RAB10: variants seen among roughly 807,000 people sequenced by gnomAD.
RAB10 encodes the protein ras-related protein Rab-10.
RAB10 carries 5 observed loss-of-function variants against 25.7 expected under a neutral mutation model. The observed-to-expected ratio is 0.19, with a 90% CI of 0.10 to 0.41. RAB10 has a LOEUF of 0.41. RAB10 is among the 10% of genes least tolerant of loss of function. RAB10 has a pLI of 1.00. For missense variants in RAB10, 103 were observed against 245.8 expected (o/e 0.42, Z 3.89); for synonymous variants, 89 against 86.4 (o/e 1.03, Z -0.16).
chr2:26,068,157 CA>C (rs1437553269), intron 1 of RAB10, among the ~76,000 whole-genome samples: 7 of 152,094 alleles, frequency 4.6e-5, no homozygotes, highest in Admixed American at 1.3e-4. Flanking sequence ...TCATTCCAGG[CA>C]GAGGAAGTGG....
chr2:26,085,402 A>G (rs1048070999), intron 1 of RAB10, among the ~76,000 whole-genome samples: 3 of 151,074 alleles, frequency 2.0e-5, no homozygotes. Flanking sequence ...AGGCAGGAGA[A>G]TCGCTTGATC....
intron 3 of RAB10, among the ~76,000 whole-genome samples, chr2:26,120,171 T>C (rs1667771549): frequency 6.6e-6 from 1 of 152,202 alleles, no homozygotes; most frequent in South Asian, 2.1e-4. Context: ...TTATCTTCTC[T>C]TTGAGTGGAG....
Position 26,034,529 on chromosome 2 carries a change from C to T in RAB10, c.-80C>T, listed in dbSNP as rs1665720155. The T allele has an allele frequency of 6.3e-7, 1 of 1,581,620 alleles. No individual in the cohort carries two copies. Among genetic ancestry groups the T allele is most frequent in the Non-Finnish European group, 8.6e-7 (1 of 1,161,400 alleles). On this transcript the variant is annotated 5_prime_UTR_variant, in exon 1 of 6. Coordinates refer to ENST00000264710, the MANE Select transcript of RAB10 (RefSeq NM_016131.5). The stretch of plus-strand genomic sequence containing the variant: ...TCCCCGGTCCTCCGGCCTGAGAACG[C>T]CCGAGTGAGGAGTTGGCCGTAGTGA...
chr2:26,097,033 G>A (rs556811151), intron 1 of RAB10, among the ~76,000 whole-genome samples: 6 of 152,160 alleles, frequency 3.9e-5, no homozygotes, highest in East Asian at 1.9e-4. Context: ...CCTGGGCAAC[G>A]TGGCAAGACC....
intron 1 of RAB10, among the ~76,000 whole-genome samples, chr2:26,038,827 CA>C (rs1027663741): frequency 4.0e-5 from 6 of 149,196 alleles, no homozygotes; most frequent in African/African-American, 1.5e-4. Context: ...GAGGCTGAGG[CA>C]GGGGAATGGC....
At chr2:26,049,439 GC>G (rs1666085364) in intron 1 of RAB10, among the ~76,000 whole-genome samples, 1 of 148,352 alleles carries the variant, frequency 6.7e-6, no homozygotes, top group Admixed American at 6.8e-5. Context: ...ATGGAGTTTA[GC>G]TCTTGTTGCC....
At chr2:26,053,496 G>A (rs541773425) in intron 1 of RAB10, among the ~76,000 whole-genome samples, 27 of 152,202 alleles carry the variant, frequency 1.8e-4, no homozygotes, top group Admixed American at 7.9e-4. Flanking sequence ...AAGTGATTCG[G>A]CAAATTCATA....
At chr2:26,111,619 A>G (rs1227920149) in intron 3 of RAB10, among the ~76,000 whole-genome samples, 1 of 152,140 alleles carries the variant, frequency 6.6e-6, no homozygotes, top group African/African-American at 2.4e-5. Flanking sequence ...AAAAAAAAAA[A>G]AATACAAATC....
rs79525271 is a variant in RAB10, at chr2:26,045,648, C to G, written c.127+10913C>G. On this transcript the variant is annotated intron_variant, in intron 1 of 5. Transcript: ENST00000264710. ...ACAAGTAAGAGACCATTATTTAGCA[C>G]AAAATATAAATTGTATGATTAGCTG... Among the ~76,000 whole-genome samples the G allele has an allele frequency of 4.0e-3, 604 of 152,262 alleles. 12 individuals are homozygous for G. The East Asian group carries it at 0.049, about 12-fold the overall frequency.
intron 3 of RAB10, among the ~76,000 whole-genome samples, chr2:26,118,006 C>G (rs1667728019): frequency 6.6e-6 from 1 of 152,112 alleles, no homozygotes; most frequent in Admixed American, 6.6e-5. Flanking sequence ...GAGTCTTGCT[C>G]TGTTGCCCAG....
chr2:26,128,139 C>T (rs781402392), intron 5 of RAB10, among the ~76,000 whole-genome samples, 188 bp downstream of exon 5: 1 of 152,160 alleles, frequency 6.6e-6, no homozygotes, highest in East Asian at 1.9e-4. Context: ...ATGGACCGTA[C>T]TGGGGGGTAG....
At chr2:26,037,678 T>G (rs925900048) in intron 1 of RAB10, among the ~76,000 whole-genome samples, 1 of 151,084 alleles carries the variant, frequency 6.6e-6, no homozygotes, top group Non-Finnish European at 1.5e-5. Context: ...ATCTACCACA[T>G]AGGGTAGTTG....
At chr2:26,084,293 G>A (rs1666932480) in intron 1 of RAB10, among the ~76,000 whole-genome samples, 2 of 152,232 alleles carry the variant, frequency 1.3e-5, no homozygotes, top group South Asian at 4.1e-4. Context: ...AAATTGGGGG[G>A]AATGGGTAAT....
chr2:26,124,684 C>T (rs1286446485), intron 3 of RAB10, among the ~76,000 whole-genome samples: 1 of 152,016 alleles, frequency 6.6e-6, no homozygotes, highest in Non-Finnish European at 1.5e-5. Flanking sequence ...TACTGTTGTG[C>T]AACCGTCACC....
intron 5 of RAB10, among the ~76,000 whole-genome samples, chr2:26,133,560 A>C (rs1668048695): frequency 6.6e-6 from 1 of 152,382 alleles, no homozygotes; most frequent in South Asian, 2.1e-4. Flanking sequence ...TCAGGCTTAC[A>C]CTTAAGCTTT....
intron 2 of RAB10, among the ~76,000 whole-genome samples, chr2:26,108,552 A>G (rs946703527): frequency 6.6e-6 from 1 of 152,214 alleles, no homozygotes; most frequent in Non-Finnish European, 1.5e-5. Context: ...GTAGTTACAC[A>G]AATCTGTACA....
intron 1 of RAB10, among the ~76,000 whole-genome samples, chr2:26,053,859 A>G (rs1666188988): frequency 6.6e-6 from 1 of 151,732 alleles, no homozygotes. Flanking sequence ...AGCTGGGATT[A>G]CAGGCGTGTG....
At chr2:26,074,916 C>T (rs576930874) in intron 1 of RAB10, among the ~76,000 whole-genome samples, 2 of 152,238 alleles carry the variant, frequency 1.3e-5, no homozygotes, top group East Asian at 1.9e-4. Context: ...ATGCTTGGAA[C>T]GGGTCTGGCA....
intron 1 of RAB10, among the ~76,000 whole-genome samples, chr2:26,048,379 TATC>T (rs982761097): frequency 1.3e-5 from 2 of 152,218 alleles, no homozygotes; most frequent in African/African-American, 4.8e-5. Flanking sequence ...TTGATAATGT[TATC>T]ATACTATTTT....
Sources: gnomAD v4.1 joint callset for allele counts (sites outside exome capture counted in the v4.1 genomes callset) on GRCh38, gnomAD v4.1.1 for gene constraint, MANE v1.5 for transcripts, NCBI Gene and HGNC (gene_info 2026-07-23, HGNC 2026-07-21) for gene names.